Variants in ATP10A observed in about 807,000 individuals in gnomAD.
ATP10A encodes phospholipid-transporting ATPase VA.
ATP10A carries 111 observed loss-of-function variants against 147.8 expected under a neutral mutation model. The ratio of observed to expected loss-of-function variants is 0.75; its 90% CI spans 0.64 to 0.88. The LOEUF (loss-of-function observed/expected upper bound fraction) is 0.88, where lower values mean the gene tolerates loss of function less well. Ranked by LOEUF, ATP10A falls within the 40% of genes least tolerant of loss-of-function variation. The pLI is 0.00. For synonymous variants in ATP10A, 875 were observed against 841.6 expected, an observed-to-expected ratio of 1.04 and a Z score of -0.69; for missense variants, 1,927 against 1,959.0, an observed-to-expected ratio of 0.98 and a Z score of 0.31.
intron 2 of ATP10A, among the ~76,000 whole-genome samples, chr15:25,753,032 G>A (rs752345791): frequency 2.0e-5 from 3 of 152,066 alleles, no homozygotes; most frequent in African/African-American, 7.2e-5. Flanking sequence ...ATACAATATA[G>A]AATAACTAAA....
At chr15:25,744,274 A>G (rs13329217) in intron 2 of ATP10A, among the ~76,000 whole-genome samples, 52,984 of 151,966 alleles carry the variant, frequency 0.35, 9,591 homozygotes, top group Non-Finnish European at 0.4. Flanking sequence ...ATAATTCCAA[A>G]TTGCTAGAAC....
intron 1 of ATP10A, among the ~76,000 whole-genome samples, chr15:25,837,484 C>T (rs868397633): frequency 3.9e-5 from 6 of 152,116 alleles, no homozygotes; most frequent in Non-Finnish European, 7.3e-5. Flanking sequence ...AGGAGGCTCC[C>T]GGCGCAGGGA....
At chr15:25,811,695 G>A (rs1891439288) in intron 1 of ATP10A, among the ~76,000 whole-genome samples, 1 of 152,152 alleles carries the variant, frequency 6.6e-6, no homozygotes, top group Non-Finnish European at 1.5e-5. Context: ...AACGCTGGGA[G>A]CCCAGAGACA....
Position 25,691,730 on chromosome 15 carries a change from G to A in ATP10A, c.3150C>T (p.Gly1050=). Residue 1050 remains glycine (G), a synonymous_variant, in exon 15 of 21, where the codon GGC becomes GGT. Coordinates refer to ENST00000555815, the MANE Select transcript of ATP10A (RefSeq NM_024490.4). ...TGGTCTTTACCTGCATACCCTCCTGGCCGGAGATTCCCACACCCACATCTG... is the reference window on the plus strand; with the variant it reads ...TGGTCTTTACCTGCATACCCTCCTGACCGGAGATTCCCACACCCACATCTG... ...QVADVGVGIS[G]QEGMQAVMAS... 4.3e-6 allele frequency: 7 copies of A among 1,614,150 alleles called. No homozygotes were observed. The highest frequency in any genetic ancestry group is 1.6e-4 in the Middle Eastern group (1 of 6,062).
intron 2 of ATP10A, among the ~76,000 whole-genome samples, chr15:25,740,165 A>T (rs920020003): frequency 6.6e-6 from 1 of 152,256 alleles, no homozygotes; most frequent in Admixed American, 6.5e-5. Flanking sequence ...AGTACTCAAC[A>T]AAAGCAAATA....
intron 7 of ATP10A, among the ~76,000 whole-genome samples, chr15:25,720,073 G>A (rs1489432490): frequency 1.3e-5 from 2 of 152,182 alleles, no homozygotes; most frequent in African/African-American, 4.8e-5. Context: ...TGGTTTTATG[G>A]TAGCATTTGG....
chr15:25,795,511 A>T (rs1890632850), intron 1 of ATP10A, among the ~76,000 whole-genome samples: 1 of 152,172 alleles, frequency 6.6e-6, no homozygotes, highest in Non-Finnish European at 1.5e-5. Context: ...ATTTCTGATG[A>T]AGGGAATAAC....
intron 1 of ATP10A, among the ~76,000 whole-genome samples, chr15:25,808,519 G>A (rs1299459088): frequency 3.3e-5 from 5 of 152,288 alleles, no homozygotes; most frequent in Non-Finnish European, 1.5e-5. Flanking sequence ...GGAGCAGCTG[G>A]GATTACAGGC....
In ATP10A at chr15:25,713,671, T is replaced by A. The variant is rs1901577439; in HGVS notation, c.2344+3A>T. The A allele has an allele frequency of 1.2e-6, 2 of 1,612,842 alleles. No homozygotes were observed. Among genetic ancestry groups the A allele is most frequent in the African/African-American group, 2.7e-5 (2 of 74,848 alleles). On this transcript the variant is annotated splice_donor_region_variant and intron_variant, in intron 10 of 20. Transcript: ENST00000555815. ...GGGTGCAGCTGGGCAGGGGTGGGAG[T>A]ACCTGAAGAGCAGGGCTGCAGGAGA...
intron 13 of ATP10A, 95 bp downstream of exon 13, chr15:25,701,821 A>C: frequency 8.0e-7 from 1 of 1,247,244 alleles, no homozygotes; most frequent in Non-Finnish European, 1.1e-6. Flanking sequence ...TCCTTCTAAC[A>C]GCAGCTGCCA....
At chr15:25,727,625 C>T (rs1438060299) in intron 3 of ATP10A, among the ~76,000 whole-genome samples, 6 of 152,208 alleles carry the variant, frequency 3.9e-5, no homozygotes, top group African/African-American at 1.4e-4. Context: ...ACATCTCCTG[C>T]TCAACACAGG....
intron 2 of ATP10A, among the ~76,000 whole-genome samples, chr15:25,736,859 C>G (rs1887316885): frequency 6.6e-6 from 1 of 152,172 alleles, no homozygotes; most frequent in Non-Finnish European, 1.5e-5. Context: ...TGGCATTCTA[C>G]TTAATCTAGC....
intron 10 of ATP10A, chr15:25,709,389 T>A (rs1026414355): frequency 6.6e-6 from 1 of 152,190 alleles, no homozygotes; most frequent in Non-Finnish European, 1.5e-5. Flanking sequence ...CAGAATCAGA[T>A]TGTTCCTCGA....
chr15:25,772,564 A>G (rs1246193862), intron 2 of ATP10A, among the ~76,000 whole-genome samples: 1 of 152,188 alleles, frequency 6.6e-6, no homozygotes, highest in African/African-American at 2.4e-5. Context: ...AGCTATTTGA[A>G]GTTTTGTCCA....
intron 1 of ATP10A, among the ~76,000 whole-genome samples, chr15:25,842,450 G>T (rs902981017): frequency 6.6e-6 from 1 of 152,050 alleles, no homozygotes; most frequent in South Asian, 2.1e-4. Context: ...TTGTAATCAC[G>T]GGGAGGAGCA....
intron 3 of ATP10A, among the ~76,000 whole-genome samples, chr15:25,730,210 G>T (rs1200029992): frequency 6.6e-6 from 1 of 151,634 alleles, no homozygotes; most frequent in Non-Finnish European, 1.5e-5. Context: ...GCTGAGGCAG[G>T]AGAATCACTT....
chr15:25,697,455 G>GA (rs1275190925), intron 13 of ATP10A, among the ~76,000 whole-genome samples: 8 of 152,178 alleles, frequency 5.3e-5, no homozygotes, highest in Non-Finnish European at 8.8e-5. Context: ...ACAATCCACA[G>GA]AAGCCAATGT....
chr15:25,820,001 C>G (rs932522243), intron 1 of ATP10A, among the ~76,000 whole-genome samples: 3 of 152,048 alleles, frequency 2.0e-5, no homozygotes, highest in Non-Finnish European at 4.4e-5. Flanking sequence ...ACATTAAAAG[C>G]CCAGGCTTCA....
intron 3 of ATP10A, among the ~76,000 whole-genome samples, chr15:25,730,301 CAA>C (rs763070472): frequency 2.2e-4 from 2 of 9,168 alleles, no homozygotes; most frequent in African/African-American, 4.2e-4. Flanking sequence ...GACTCTGTCT[CAA>C]AAAAAAAAAA....
Sources: allele counts gnomAD v4.1 joint callset (sites outside exome capture counted in the v4.1 genomes callset), GRCh38; gene constraint gnomAD v4.1.1; transcripts MANE v1.5; gene names NCBI Gene and HGNC (gene_info 2026-07-23, HGNC 2026-07-21).